SLC2A9: variants seen among roughly 807,000 people sequenced by gnomAD.
The protein encoded by SLC2A9 is solute carrier family 2 member 9.
Under a neutral mutation model 50.6 loss-of-function variants are expected in SLC2A9, and 39 were observed. That is an observed-to-expected ratio of 0.77 (90% confidence interval 0.60 to 1.01). The LOEUF is 1.01. Ranked by LOEUF, SLC2A9 falls within the 50% of genes least tolerant of loss-of-function variation. The probability of loss-of-function intolerance (pLI) is 0.00; values close to 1 mark genes in which losing one functional copy is unlikely to be tolerated. For synonymous variants in SLC2A9, 324 were observed against 276.9 expected (o/e 1.17, Z -1.69); for missense variants, 686 against 677.6 (o/e 1.01, Z -0.14).
At chr4:9,842,640 A>C (rs1728259323) in intron 10 of SLC2A9, among the ~76,000 whole-genome samples, 1 of 152,204 alleles carries the variant, frequency 6.6e-6, no homozygotes, top group African/African-American at 2.4e-5. Context: ...AAAGAACAGA[A>C]AGATGGGGAA....
chr4:9,869,188 G>A (rs1732995797), intron 10 of SLC2A9, among the ~76,000 whole-genome samples: 1 of 152,130 alleles, frequency 6.6e-6, no homozygotes, highest in Non-Finnish European at 1.5e-5. Context: ...CAGAGAAAAC[G>A]GAGGCTGAGA....
chr4:9,771,216 A>G, exon 2 of SLC2A9: 2 of 347,710 alleles, frequency 5.8e-6, no homozygotes, highest in East Asian at 4.2e-5. Context: ...GCTAAGCTGC[A>G]GTGAGTAATA....
chr4:9,908,282 C>G lies in SLC2A9; in HGVS notation c.1066G>C (p.Val356Leu). Reference protein sequence around the residue: ...AGIPPAKIPYVTLSTGGIETL... With the variant: ...AGIPPAKIPYLTLSTGGIETL... ...TCGATGCCCCCTGTACTCAAGGTGA[C>G]GTATGGGATCTTTGCCGGAGGGATC... is the stretch of plus-strand genomic sequence containing the variant. The change falls in exon 8 of 12, where the codon GTC becomes CTC. Residue 356 changes from valine (V) to leucine (L), a missense_variant. Val to Leu is a conservative substitution (Grantham distance 32). Coordinates refer to ENST00000264784, the MANE Select transcript of SLC2A9 (RefSeq NM_020041.3). 6.2e-7 allele frequency: 1 copy of G among 1,614,062 alleles called. No homozygotes were observed. Among genetic ancestry groups the G allele is most frequent in the Non-Finnish European group, 8.5e-7 (1 of 1,179,976 alleles).
At chr4:9,829,125 C>G (rs551665628) in intron 11 of SLC2A9, among the ~76,000 whole-genome samples, 1 of 152,088 alleles carries the variant, frequency 6.6e-6, no homozygotes, top group African/African-American at 2.4e-5. Context: ...GTGGCTCAGC[C>G]GAGCACAGTA....
intron 1 of SLC2A9, among the ~76,000 whole-genome samples, chr4:10,033,325 C>G (rs1763995228): frequency 6.6e-6 from 1 of 152,156 alleles, no homozygotes; most frequent in African/African-American, 2.4e-5. Flanking sequence ...GCTCATCTAT[C>G]TACTCCCAGG....
intron 10 of SLC2A9, among the ~76,000 whole-genome samples, chr4:9,866,447 T>A (rs1732479020): frequency 6.6e-6 from 1 of 151,622 alleles, no homozygotes; most frequent in Admixed American, 6.6e-5. Flanking sequence ...GACCAAGCTC[T>A]GTGGCCATGG....
chr4:9,848,607 G>C (rs1266531742), intron 10 of SLC2A9, among the ~76,000 whole-genome samples: 3 of 151,952 alleles, frequency 2.0e-5, no homozygotes, highest in African/African-American at 7.3e-5. Context: ...AATCATGTCT[G>C]TCTCTTGGGT....
chr4:9,912,547 T>G (rs1177964095), intron 7 of SLC2A9, among the ~76,000 whole-genome samples: 1 of 152,140 alleles, frequency 6.6e-6, no homozygotes, highest in Non-Finnish European at 1.5e-5. Flanking sequence ...CATAATCATT[T>G]TTGCCCCCTC....
At chr4:9,944,911 T>C (rs1423212587) in intron 5 of SLC2A9, among the ~76,000 whole-genome samples, 1 of 152,192 alleles carries the variant, frequency 6.6e-6, no homozygotes, top group East Asian at 1.9e-4. Flanking sequence ...ATATTATACA[T>C]GTGGCCCACC....
upstream of SLC2A9, among the ~76,000 whole-genome samples, chr4:10,023,103 A>T (rs1269876456): frequency 6.6e-6 from 1 of 152,188 alleles, no homozygotes; most frequent in Non-Finnish European, 1.5e-5. Flanking sequence ...AGTGTGGAGG[A>T]GGCACCACAT....
rs1247483794 is a variant in SLC2A9 at position 9,951,684 on chromosome 4, T to C, written c.682-9639A>G. ...GGCTTTTTGAGAACTGTCCTTTCTG[T>C]CTAAAGGAAATGTACTTCTTTCTAG... On this transcript the variant is annotated intron_variant, in intron 5 of 11. Transcript: ENST00000264784. Among the ~76,000 whole-genome samples, 3 of 152,204 alleles carry C rather than the reference T, an allele frequency of 2.0e-5. No individual in the cohort carries two copies. In the East Asian group the frequency reaches 5.8e-4, roughly 29 times the overall value.
chr4:9,903,034 A>C (rs1739950463), intron 8 of SLC2A9, among the ~76,000 whole-genome samples: 1 of 152,280 alleles, frequency 6.6e-6, no homozygotes, highest in South Asian at 2.1e-4. Context: ...GGTATCAGAG[A>C]GGTTAAGTGA....
rs546872900 is a variant in SLC2A9, at chr4:9,885,347, G to C, written c.1291+2220C>G. ...CTTATATTTGTTCTTTCTCTGAAAAGAATCTTGGTATTAGCTTGACTAATC... is the reference window on the plus strand; with the variant it reads ...CTTATATTTGTTCTTTCTCTGAAAACAATCTTGGTATTAGCTTGACTAATC... On this transcript the variant is annotated intron_variant, in intron 10 of 11. Coordinates refer to ENST00000264784, the MANE Select transcript of SLC2A9 (RefSeq NM_020041.3). 3.9e-5 allele frequency among the ~76,000 whole-genome samples: 6 copies of C among 152,296 alleles called. No homozygotes were observed. The South Asian group carries it at 1.2e-3, about 32-fold the overall frequency.
intron 10 of SLC2A9, among the ~76,000 whole-genome samples, chr4:9,840,771 TA>T (rs1247464008): frequency 7.0e-6 from 1 of 142,846 alleles, no homozygotes; most frequent in Non-Finnish European, 1.5e-5. Flanking sequence ...TGCACTGCTA[TA>T]AAGATATACC....
chr4:9,922,183 C>T (rs1438964927), intron 6 of SLC2A9, among the ~76,000 whole-genome samples: 1 of 152,166 alleles, frequency 6.6e-6, no homozygotes, highest in Non-Finnish European at 1.5e-5. Flanking sequence ...CATGTCATTG[C>T]TACTGTGAAC....
At chr4:9,974,910 T>C (rs1228869602) in intron 5 of SLC2A9, among the ~76,000 whole-genome samples, 3 of 152,136 alleles carry the variant, frequency 2.0e-5, no homozygotes, top group South Asian at 4.2e-4. Flanking sequence ...AACAGACACA[T>C]AGACAAATGA....
intron 2 of SLC2A9, among the ~76,000 whole-genome samples, chr4:10,014,455 C>T (rs73805490): frequency 0.022 from 3,349 of 152,296 alleles, 68 homozygotes; most frequent in African/African-American, 0.059. Context: ...CCTCAGCCTG[C>T]TCATAGCCTG....
intron 3 of SLC2A9, among the ~76,000 whole-genome samples, chr4:9,987,890 G>A (rs1364784988): frequency 2.0e-4 from 31 of 152,198 alleles, no homozygotes. Flanking sequence ...GCTGGAGGCA[G>A]TAGGGAGCCA....
At chr4:9,936,508 G>A (rs1430864610) in intron 6 of SLC2A9, among the ~76,000 whole-genome samples, 1 of 152,218 alleles carries the variant, frequency 6.6e-6, no homozygotes, top group Non-Finnish European at 1.5e-5. Context: ...CAGGTACAAA[G>A]AGGGGAAGAA....
Sources: gnomAD v4.1 joint callset for allele counts (sites outside exome capture counted in the v4.1 genomes callset) on GRCh38, gnomAD v4.1.1 for gene constraint, MANE v1.5 for transcripts, NCBI Gene and HGNC (gene_info 2026-07-23, HGNC 2026-07-21) for gene names.